RBMS3: variants seen among roughly 807,000 people sequenced by gnomAD.
RBMS3 encodes the protein RNA binding motif single stranded interacting protein 3, also known as RNA-binding motif, single-stranded-interacting protein 3.
RBMS3 carries 27 observed loss-of-function variants against 66.8 expected under a neutral mutation model. The ratio of observed to expected loss-of-function variants is 0.40; its 90% CI spans 0.30 to 0.56. RBMS3 has a LOEUF of 0.56. RBMS3 is among the 20% of genes least tolerant of loss of function. RBMS3 has a pLI of 0.40. For missense variants in RBMS3, 513 were observed against 549.5 expected, an observed-to-expected ratio of 0.93 and a Z score of 0.66; for synonymous variants, 188 against 183.0, an observed-to-expected ratio of 1.03 and a Z score of -0.22.
chr3:29,974,714 CTTTAA>C (rs1229783920), intron 12 of RBMS3, among the ~76,000 whole-genome samples: 1 of 150,500 alleles, frequency 6.6e-6, no homozygotes, highest in Admixed American at 6.7e-5. Flanking sequence ...TGTCTGCCTT[CTTTAA>C]TTCAACATTG....
At chr3:29,295,875 C>T (rs555138452) in intron 1 of RBMS3, among the ~76,000 whole-genome samples, 1 of 151,756 alleles carries the variant, frequency 6.6e-6, no homozygotes, top group African/African-American at 2.4e-5. Flanking sequence ...ATTAAGTTTG[C>T]TTCCTTTAAA....
At chr3:29,536,140 A>G (rs1227324717) in intron 3 of RBMS3, among the ~76,000 whole-genome samples, 4 of 152,176 alleles carry the variant, frequency 2.6e-5, no homozygotes, top group Non-Finnish European at 4.4e-5. Context: ...TTTTATTTGC[A>G]TAGCTTTCCT....
intron 5 of RBMS3, among the ~76,000 whole-genome samples, chr3:29,753,121 A>G (rs1401574767): frequency 6.6e-6 from 1 of 152,228 alleles, no homozygotes; most frequent in African/African-American, 2.4e-5. Context: ...GGTATTTTCA[A>G]CTTAGCTTAT....
chr3:29,368,135 C>G (rs1215606481), intron 1 of RBMS3, among the ~76,000 whole-genome samples: 1 of 152,124 alleles, frequency 6.6e-6, no homozygotes, highest in Non-Finnish European at 1.5e-5. Flanking sequence ...ATGTGGCCAT[C>G]AATTTAGTTG....
At chr3:29,521,060 C>T (rs2044838922) in intron 3 of RBMS3, among the ~76,000 whole-genome samples, 2 of 152,084 alleles carry the variant, frequency 1.3e-5, no homozygotes, top group Non-Finnish European at 2.9e-5. Flanking sequence ...AGCACCCTGT[C>T]ACTCTCTCAC....
chr3:29,333,378 C>A lies in RBMS3; in HGVS notation c.75+51622C>A, dbSNP rs115950471. ...AAGCAGTAGCACTATAATGTAGCAT[C>A]AGCACGTATAACATTCAGTGCTGAG... On this transcript the variant is annotated intron_variant, in intron 1 of 14. Transcript: ENST00000383767. 5.1e-3 allele frequency among the ~76,000 whole-genome samples: 773 copies of A among 152,202 alleles called. 8 individuals carry two copies. Among genetic ancestry groups the A allele is most frequent in the African/African-American group, 0.018 (734 of 41,538 alleles).
intron 1 of RBMS3, among the ~76,000 whole-genome samples, chr3:29,327,846 C>G (rs2035428777): frequency 6.6e-6 from 1 of 152,146 alleles, no homozygotes; most frequent in African/African-American, 2.4e-5. Context: ...TTCAGTTCAT[C>G]AAGATTAACA....
At chr3:29,696,991 C>T in intron 4 of RBMS3, 2 of 984,342 alleles carry the variant, frequency 2.0e-6, no homozygotes, top group South Asian at 4.7e-5. Context: ...GTGATTTCTC[C>T]AAAACTTCTA....
At chr3:29,378,841 A>G (rs2038620061) in intron 1 of RBMS3, among the ~76,000 whole-genome samples, 1 of 142,464 alleles carries the variant, frequency 7.0e-6, no homozygotes, top group South Asian at 2.3e-4. Context: ...CAAAATTAAA[A>G]CAAAAAAATA....
At chr3:29,418,999 ACTCTGGGTAGTAAAATGTGTT>A in intron 1 of RBMS3, among the ~76,000 whole-genome samples, 1 of 152,108 alleles carries the variant, frequency 6.6e-6, no homozygotes, top group Non-Finnish European at 1.5e-5. Flanking sequence ...TAAAACTGTC[ACTCTGGGTAGTAAAATGTGTT>A]TTCCTTTATT....
intron 4 of RBMS3, among the ~76,000 whole-genome samples, chr3:29,664,493 A>G (rs534948416): frequency 1.3e-5 from 2 of 152,156 alleles, no homozygotes; most frequent in Admixed American, 1.3e-4. Context: ...TCTCAAAAAA[A>G]AGTAATCTTA....
chr3:29,848,709 T>C (rs1358882358), intron 6 of RBMS3, among the ~76,000 whole-genome samples: 1 of 152,166 alleles, frequency 6.6e-6, no homozygotes, highest in East Asian at 1.9e-4. Flanking sequence ...AAAATTTCCA[T>C]ATAGAGAAAT....
intron 10 of RBMS3, among the ~76,000 whole-genome samples, chr3:29,929,682 G>A (rs2061056270): frequency 6.6e-6 from 1 of 152,018 alleles, no homozygotes; most frequent in Admixed American, 6.6e-5. Flanking sequence ...AAAATGCTAT[G>A]TTTATAATTA....
intron 10 of RBMS3, among the ~76,000 whole-genome samples, chr3:29,928,287 A>C (rs1396704361): frequency 6.7e-6 from 1 of 149,518 alleles, no homozygotes; most frequent in Non-Finnish European, 1.5e-5. Context: ...GGTAGAAAAA[A>C]TTAGGAACTA....
chr3:29,720,136 C>A (rs1036338552), intron 4 of RBMS3, among the ~76,000 whole-genome samples: 146 of 152,194 alleles, frequency 9.6e-4, no homozygotes, highest in African/African-American at 3.4e-3. Context: ...CCACATTGGC[C>A]CTTTTTATTT....
Position 29,791,120 on chromosome 3 carries a change from ATTTTTG to A in RBMS3, c.637+28149_637+28154del, listed in dbSNP as rs976504961. ...ACATCTTGCTTTTAGAAATCCATTT[ATTTTTG>A]TTTTTGTTTTTGTTTTTTAAAGAGG... On this transcript the variant is annotated intron_variant, in intron 6 of 14. Coordinates refer to ENST00000383767, the MANE Select transcript of RBMS3 (RefSeq NM_001003793.3). 5.3e-5 allele frequency among the ~76,000 whole-genome samples: 8 copies of A among 152,100 alleles called. No individual in the cohort carries two copies. The East Asian group carries it at 5.8e-4, about 11-fold the overall frequency.
intron 12 of RBMS3, among the ~76,000 whole-genome samples, chr3:29,983,435 G>A (rs926701224): frequency 1.7e-4 from 26 of 152,210 alleles, no homozygotes; most frequent in African/African-American, 6.0e-4. Context: ...ATATGGTTAT[G>A]TGTGAATTTG....
chr3:29,413,080 G>A (rs899991688), intron 1 of RBMS3, among the ~76,000 whole-genome samples: 2 of 152,158 alleles, frequency 1.3e-5, no homozygotes, highest in Admixed American at 6.5e-5. Context: ...AAAAAGAGAG[G>A]CAGCAGAAAG....
intron 11 of RBMS3, among the ~76,000 whole-genome samples, chr3:29,941,593 G>A (rs1449290): frequency 0.89 from 134,922 of 151,838 alleles, 60,042 homozygotes; most frequent in East Asian, 0.99. Context: ...CAATAAATGA[G>A]CTGGCATTAA....
Sources: allele counts gnomAD v4.1 joint callset (sites outside exome capture counted in the v4.1 genomes callset), GRCh38; gene constraint gnomAD v4.1.1; transcripts MANE v1.5; gene names NCBI Gene and HGNC (gene_info 2026-07-23, HGNC 2026-07-21).